Variants in ASIC2 observed in about 807,000 individuals in gnomAD.
ASIC2 encodes the protein acid sensing ion channel subunit 2, also known as acid-sensing ion channel 2.
A neutral mutation model predicts 57.3 loss-of-function variants in ASIC2; 25 were observed. That is an observed-to-expected ratio of 0.44 (90% confidence interval 0.32 to 0.61). The LOEUF is 0.61. Among genes scored for constraint, ASIC2 ranks in the 20% least tolerant of loss-of-function variants. The pLI is 0.06. For missense variants in ASIC2, 641 were observed against 738.1 expected (o/e 0.87, Z 1.52); for synonymous variants, 319 against 307.5 (o/e 1.04, Z -0.39).
intron 1 of ASIC2, among the ~76,000 whole-genome samples, chr17:33,443,658 C>T (rs1319655271): frequency 2.0e-5 from 3 of 151,326 alleles, no homozygotes; most frequent in African/African-American, 4.9e-5. Flanking sequence ...CCTCGTGATC[C>T]GCCCGCCTCG....
At chr17:33,317,545 C>T (rs188658383) in intron 1 of ASIC2, among the ~76,000 whole-genome samples, 22 of 152,316 alleles carry the variant, frequency 1.4e-4, no homozygotes, top group African/African-American at 5.3e-4. Flanking sequence ...CTCCTTTTTA[C>T]AATTCCTTTC....
At chr17:33,174,040 C>T (rs1158629483) in intron 1 of ASIC2, among the ~76,000 whole-genome samples, 1 of 152,144 alleles carries the variant, frequency 6.6e-6, no homozygotes, top group Non-Finnish European at 1.5e-5. Flanking sequence ...TCTGGTAGTC[C>T]AGAAAGCCTT....
chr17:33,939,339 T>C (rs980259103), intron 1 of ASIC2, among the ~76,000 whole-genome samples: 63 of 152,234 alleles, frequency 4.1e-4, no homozygotes, highest in African/African-American at 1.5e-3. Flanking sequence ...TACTGCCCAT[T>C]GGAAATTGAA....
chr17:33,149,574 T>A (rs1364813431), intron 1 of ASIC2, among the ~76,000 whole-genome samples: 1 of 152,210 alleles, frequency 6.6e-6, no homozygotes, highest in African/African-American at 2.4e-5. Flanking sequence ...AACATTCAGG[T>A]GACTGAAAAC....
chr17:33,117,275 C>T (rs530542692), intron 1 of ASIC2, among the ~76,000 whole-genome samples: 5 of 152,144 alleles, frequency 3.3e-5, no homozygotes, highest in African/African-American at 1.2e-4. Context: ...TGGGGTCGAG[C>T]GATTCTCTTG....
At chr17:33,442,280 A>G (rs1254548596) in intron 1 of ASIC2, among the ~76,000 whole-genome samples, 1 of 152,222 alleles carries the variant, frequency 6.6e-6, no homozygotes, top group Non-Finnish European at 1.5e-5. Flanking sequence ...ATTTTCATAT[A>G]AATTTTACAA....
At chr17:33,156,843 G>A (rs1418642001) in intron 1 of ASIC2, among the ~76,000 whole-genome samples, 5 of 152,134 alleles carry the variant, frequency 3.3e-5, no homozygotes, top group African/African-American at 4.8e-5. Flanking sequence ...CTGGGGAGAC[G>A]GGAGGAAGGG....
intron 1 of ASIC2, among the ~76,000 whole-genome samples, chr17:33,165,148 CTG>C (rs1336320075): frequency 6.6e-6 from 1 of 152,232 alleles, no homozygotes; most frequent in Non-Finnish European, 1.5e-5. Flanking sequence ...CCCCGAGTTT[CTG>C]GATGGGCACC....
intron 1 of ASIC2, among the ~76,000 whole-genome samples, chr17:33,579,835 G>C (rs9914701): frequency 0.5 from 75,237 of 151,592 alleles, 19,201 homozygotes; most frequent in African/African-American, 0.62. Context: ...GGCTCGGGTG[G>C]GCTGCATTTA....
At chr17:33,032,440 GTTTTTTT>G (rs60183644) in intron 3 of ASIC2, among the ~76,000 whole-genome samples, 5 of 94,118 alleles carry the variant, frequency 5.3e-5, no homozygotes, top group Admixed American at 1.1e-4. Flanking sequence ...ATAATACACT[GTTTTTTT>G]TTTTTTTTTT....
At chr17:34,061,217 A>G (rs1273119296) in intron 1 of ASIC2, among the ~76,000 whole-genome samples, 4 of 152,114 alleles carry the variant, frequency 2.6e-5, no homozygotes, top group Admixed American at 2.0e-4. Flanking sequence ...CAAAACCATT[A>G]TCAGCCAAGA....
intron 1 of ASIC2, among the ~76,000 whole-genome samples, chr17:33,357,868 T>C (rs973792117): frequency 6.6e-6 from 1 of 152,216 alleles, no homozygotes; most frequent in African/African-American, 2.4e-5. Flanking sequence ...TATGGTTAGT[T>C]TCTTAAAGTA....
At chr17:33,507,766 G>T (rs892161474) in intron 1 of ASIC2, among the ~76,000 whole-genome samples, 2 of 152,162 alleles carry the variant, frequency 1.3e-5, no homozygotes, top group African/African-American at 4.8e-5. Flanking sequence ...AGCTGGGCCT[G>T]GTGGCACATA....
chr17:34,130,624 C>A (rs1415328326), intron 1 of ASIC2, among the ~76,000 whole-genome samples: 2 of 152,204 alleles, frequency 1.3e-5, no homozygotes, highest in African/African-American at 4.8e-5. Context: ...TAAAGCATTT[C>A]CTCTTCCAAA....
At chr17:33,382,190 G>A (rs1298861401) in intron 1 of ASIC2, among the ~76,000 whole-genome samples, 1 of 152,128 alleles carries the variant, frequency 6.6e-6, no homozygotes, top group Non-Finnish European at 1.5e-5. Context: ...CCTAATTCCT[G>A]TTCCAATACC....
intron 1 of ASIC2, among the ~76,000 whole-genome samples, chr17:33,258,879 A>T (rs1209657560): frequency 1.3e-5 from 2 of 152,222 alleles, no homozygotes; most frequent in African/African-American, 4.8e-5. Context: ...ATTGCTATGA[A>T]CATGCACAGT....
intron 1 of ASIC2, among the ~76,000 whole-genome samples, chr17:33,860,499 T>C (rs1434095450): frequency 6.6e-6 from 1 of 152,188 alleles, no homozygotes; most frequent in Non-Finnish European, 1.5e-5. Context: ...ATAACTTTTC[T>C]GGTCATTTCT....
intron 1 of ASIC2, chr17:33,131,694 T>C (rs779427347): frequency 6.6e-6 from 1 of 152,282 alleles, no homozygotes; most frequent in Non-Finnish European, 1.5e-5. Context: ...GAGGAGGTCA[T>C]TCTCTCTGGG....
intron 1 of ASIC2, among the ~76,000 whole-genome samples, chr17:34,024,862 G>A (rs1239314424): frequency 6.6e-6 from 1 of 152,212 alleles, no homozygotes; most frequent in African/African-American, 2.4e-5. Flanking sequence ...GCCATAGTCT[G>A]CTGAGCAAAT....
Sources: gnomAD v4.1 joint callset for allele counts (sites outside exome capture counted in the v4.1 genomes callset) on GRCh38, gnomAD v4.1.1 for gene constraint, MANE v1.5 for transcripts, NCBI Gene and HGNC (gene_info 2026-07-23, HGNC 2026-07-21) for gene names.